Variants in KDM4B observed in about 807,000 individuals in gnomAD.
The protein encoded by KDM4B is lysine-specific demethylase 4B.
KDM4B carries 32 observed loss-of-function variants against 125.2 expected under a neutral mutation model. The ratio of observed to expected loss-of-function variants is 0.26; its 90% CI spans 0.19 to 0.34. The LOEUF (loss-of-function observed/expected upper bound fraction) is 0.34. KDM4B is among the 10% of genes least tolerant of loss of function. KDM4B has a pLI of 1.00. For missense variants in KDM4B, 1,190 were observed against 1,577.7 expected, an observed-to-expected ratio of 0.75 and a Z score of 4.16; for synonymous variants, 721 against 677.9, an observed-to-expected ratio of 1.06 and a Z score of -0.99.
rs556327448 is a variant in KDM4B, at chr19:5,027,113, C to T, written c.-25-5753C>T. On this transcript the variant is annotated intron_variant, in intron 2 of 22. Coordinates refer to ENST00000159111, the MANE Select transcript of KDM4B (RefSeq NM_015015.3). ...AAGGGGTCTCCAAGGAAGGGTGGGCCTGGCAGCAGCACTATGAGCAGCGGC... is the reference window on the plus strand; with the variant it reads ...AAGGGGTCTCCAAGGAAGGGTGGGCTTGGCAGCAGCACTATGAGCAGCGGC... Among the ~76,000 whole-genome samples the T allele has an allele frequency of 2.0e-5, 3 of 152,376 alleles. No homozygotes were observed. The South Asian group carries it at 6.2e-4, about 32-fold the overall frequency.
intron 1 of KDM4B, among the ~76,000 whole-genome samples, chr19:4,995,638 T>G (rs1224380618): frequency 1.6e-4 from 24 of 152,190 alleles, no homozygotes; most frequent in Admixed American, 1.6e-3. Flanking sequence ...GTTTTGATGA[T>G]CATTCAACCC....
intron 11 of KDM4B, among the ~76,000 whole-genome samples, chr19:5,130,780 C>A (rs1393198593): frequency 6.6e-6 from 1 of 152,260 alleles, no homozygotes; most frequent in Non-Finnish European, 1.5e-5. Context: ...CCTCCCGTGA[C>A]CCCAGAAGGC....
chr19:5,091,096 C>T (rs899605510), intron 9 of KDM4B, among the ~76,000 whole-genome samples: 3 of 152,252 alleles, frequency 2.0e-5, no homozygotes, highest in African/African-American at 7.2e-5. Context: ...CTTTCTCACG[C>T]TGAACTCAAG....
In KDM4B at chr19:5,114,157, C is replaced by A; in HGVS notation, c.1115+3339C>A. The A allele has an allele frequency of 7.8e-7, 1 of 1,289,572 alleles. No individual in the cohort carries two copies. The highest frequency in any genetic ancestry group is 1.2e-5 in the South Asian group (1 of 81,024). The allele number at this position is 1,289,572 out of a possible 1,614,324, so 79.9% of individuals were successfully genotyped here. A position where few individuals can be genotyped will look rare whatever the true frequency, so the allele number is the denominator to read the frequency against. ...AGCCCTCACAGTGCTCTCTGGCACC[C>A]ACGCGACGCTCCTCCATGCAAACTC... On this transcript the variant is annotated intron_variant, in intron 10 of 22. Transcript: ENST00000159111. The surrounding 1 kb of genome is among the most constrained non-coding windows in gnomAD (Gnocchi z 5.8).
In KDM4B at chr19:5,131,298, T is replaced by A; in HGVS notation, c.1538T>A (p.Val513Glu). 4 of 1,612,010 alleles carry A rather than the reference T, an allele frequency of 2.5e-6. No individual in the cohort carries two copies. Among genetic ancestry groups the A allele is most frequent in the Non-Finnish European group, 3.4e-6 (4 of 1,179,736 alleles). ...CCCCTTAATGTCGTGCCCCCTGAGGTGCCCAGTGAGGAGCTAGAGGCCAAG... is the reference window on the plus strand; with the variant it reads ...CCCCTTAATGTCGTGCCCCCTGAGGAGCCCAGTGAGGAGCTAGAGGCCAAG... ...PAPLNVVPPE[V>E]PSEELEAKPR... The change falls in exon 12 of 23, where the codon GTG becomes GAG. Residue 513 changes from valine (V) to glutamate (E), a missense_variant. Around this residue, in one of 7 missense-constraint regions of KDM4B, gnomAD observed 428 missense variants for 405.1 expected, o/e 1.06. Coordinates refer to ENST00000159111, the MANE Select transcript of KDM4B (RefSeq NM_015015.3).
intron 1 of KDM4B, among the ~76,000 whole-genome samples, chr19:4,970,097 C>T (rs555875788): frequency 6.6e-6 from 1 of 152,198 alleles, no homozygotes; most frequent in African/African-American, 2.4e-5. Context: ...ATCTGCTTGA[C>T]CTGGGGTCTG....
intron 1 of KDM4B, among the ~76,000 whole-genome samples, chr19:5,010,305 G>T (rs779474411): frequency 6.6e-6 from 1 of 152,210 alleles, no homozygotes; most frequent in Non-Finnish European, 1.5e-5. Flanking sequence ...GGCTCATGCT[G>T]CTCCTTCCCT....
At position 5,125,122 on chromosome 19, in the gene KDM4B, A is replaced by G. The variant is rs185987219; in HGVS notation, c.1315+5270A>G. 4.1e-3 allele frequency among the ~76,000 whole-genome samples: 625 copies of G among 151,070 alleles called. 3 individuals carry two copies. The highest frequency in any genetic ancestry group is 0.017 in the Middle Eastern group (5 of 292). On this transcript the variant is annotated intron_variant, in intron 11 of 22. Coordinates refer to ENST00000159111, the MANE Select transcript of KDM4B (RefSeq NM_015015.3). ...GCTATGTTGCCCAAGCTGCTCCCGAACTCCTGGGCTCCGCCTCAGCCTCCC... is the reference window on the plus strand; with the variant it reads ...GCTATGTTGCCCAAGCTGCTCCCGAGCTCCTGGGCTCCGCCTCAGCCTCCC...
At chr19:5,059,165 G>A (rs1387332349) in intron 6 of KDM4B, among the ~76,000 whole-genome samples, 2 of 152,190 alleles carry the variant, frequency 1.3e-5, no homozygotes, top group East Asian at 1.9e-4. Flanking sequence ...CTCTCCCTTC[G>A]GCGAGGCTGC....
At chr19:5,150,237 G>T in intron 21 of KDM4B, 121 bp from the exon 22 acceptor site, 1 of 660,148 alleles carries the variant, frequency 1.5e-6, no homozygotes, top group Non-Finnish European at 2.6e-6. Flanking sequence ...GGCTGCATGT[G>T]GCCTCTAGCG....
intron 1 of KDM4B, among the ~76,000 whole-genome samples, chr19:5,013,577 C>T (rs1342381126): frequency 6.6e-6 from 1 of 152,176 alleles, no homozygotes. Flanking sequence ...CCTCTCCCAG[C>T]GTCTAGAGGT....
At chr19:5,094,618 A>G (rs1292070784) in intron 9 of KDM4B, among the ~76,000 whole-genome samples, 3 of 149,420 alleles carry the variant, frequency 2.0e-5, no homozygotes, top group Non-Finnish European at 4.4e-5. Flanking sequence ...GGACCTGGTG[A>G]TAGGACAGAG....
intron 10 of KDM4B, among the ~76,000 whole-genome samples, chr19:5,117,993 A>G (rs1243613419): frequency 1.3e-5 from 2 of 152,094 alleles, no homozygotes; most frequent in Non-Finnish European, 2.9e-5. Context: ...AGAAGCCAGC[A>G]TGGAGCACAG....
At chr19:5,131,622 A>AG in intron 12 of KDM4B, 77 bp downstream of exon 12, 1 of 223,952 alleles carries the variant, frequency 4.5e-6, no homozygotes, top group Admixed American at 9.7e-5. Context: ...GGTGGGGCAC[A>AG]GGGGAGCTGG....
intron 9 of KDM4B, among the ~76,000 whole-genome samples, chr19:5,084,446 G>T: frequency 7.5e-6 from 1 of 133,318 alleles, no homozygotes. Context: ...AATTATATAT[G>T]TTATAATAAT....
intron 9 of KDM4B, among the ~76,000 whole-genome samples, chr19:5,084,415 TAA>T (rs1307361920): frequency 7.1e-6 from 1 of 141,514 alleles, no homozygotes; most frequent in Non-Finnish European, 1.5e-5. Context: ...ATAAATTACA[TAA>T]TTTATATATA....
At chr19:5,086,327 G>A (rs374464669) in intron 9 of KDM4B, among the ~76,000 whole-genome samples, 1 of 151,990 alleles carries the variant, frequency 6.6e-6, no homozygotes, top group African/African-American at 2.4e-5. Context: ...GCTAGGGCTC[G>A]GATCTGGTAG....
At chr19:4,999,985 CT>C (rs1013145252) in intron 1 of KDM4B, among the ~76,000 whole-genome samples, 1 of 144,988 alleles carries the variant, frequency 6.9e-6, no homozygotes, top group Non-Finnish European at 1.5e-5. Context: ...ATCTATCCCC[CT>C]GTCCACCCAC....
chr19:5,026,042 C>A (rs149356192), intron 2 of KDM4B, among the ~76,000 whole-genome samples: 1,692 of 151,900 alleles, frequency 0.011, 10 homozygotes, highest in Non-Finnish European at 0.019. Flanking sequence ...GCCACCACAC[C>A]CAGCTAATGT....
Sources: gnomAD v4.1 joint callset for allele counts (sites outside exome capture counted in the v4.1 genomes callset) on GRCh38, gnomAD v4.1.1 for gene constraint, gnomAD v4.1.1 regional missense constraint, Gnocchi (gnomAD v3.1) non-coding constraint, MANE v1.5 for transcripts, NCBI Gene and HGNC (gene_info 2026-07-23, HGNC 2026-07-21) for gene names.